ABLIM1: variants seen among roughly 807,000 people sequenced by gnomAD.
The protein encoded by ABLIM1 is actin binding LIM protein 1, also known as actin-binding LIM protein 1.
ABLIM1 carries 40 observed loss-of-function variants against 107.0 expected under a neutral mutation model. That is an observed-to-expected ratio of 0.37 (90% confidence interval 0.29 to 0.49). ABLIM1 has a LOEUF of 0.49. ABLIM1 is among the 20% of genes least tolerant of loss of function. The pLI, the probability that ABLIM1 is intolerant of heterozygous loss-of-function variation, is 0.97. For synonymous variants in ABLIM1, 357 were observed against 357.3 expected, an observed-to-expected ratio of 1.00 and a Z score of 0.01; for missense variants, 857 against 1,008.5, an observed-to-expected ratio of 0.85 and a Z score of 2.04.
chr10:114,632,912 G>A (rs2078275885), intron 1 of ABLIM1, among the ~76,000 whole-genome samples: 1 of 152,122 alleles, frequency 6.6e-6, no homozygotes, highest in Non-Finnish European at 1.5e-5. Context: ...TTTGATTTCT[G>A]ACCCACAGGG....
intron 1 of ABLIM1, among the ~76,000 whole-genome samples, chr10:114,755,938 A>C (rs1444356578): frequency 6.6e-6 from 1 of 152,098 alleles, no homozygotes; most frequent in African/African-American, 2.4e-5. Flanking sequence ...GAAGGTCGAG[A>C]CACTCTCAGT....
At chr10:114,716,163 T>C (rs1434026276) in intron 1 of ABLIM1, among the ~76,000 whole-genome samples, 1 of 152,240 alleles carries the variant, frequency 6.6e-6, no homozygotes, top group African/African-American at 2.4e-5. Flanking sequence ...TGACATTATA[T>C]GTCTCAGACA....
intron 2 of ABLIM1, among the ~76,000 whole-genome samples, chr10:114,583,464 CACACATATATAT>C (rs2073808036): frequency 3.6e-4 from 3 of 8,320 alleles, no homozygotes; most frequent in Non-Finnish European, 6.8e-4. Context: ...CACACACACA[CACACATATATAT>C]ATATATATAT....
chr10:114,457,105 G>A (rs545363998), intron 12 of ABLIM1, among the ~76,000 whole-genome samples: 77 of 152,062 alleles, frequency 5.1e-4, no homozygotes, highest in Non-Finnish European at 9.1e-4. Flanking sequence ...ACCGCTCATC[G>A]GGGAATAAGT....
At chr10:114,462,003 G>T (rs183107613) in intron 12 of ABLIM1, among the ~76,000 whole-genome samples, 105 of 152,230 alleles carry the variant, frequency 6.9e-4, no homozygotes, top group African/African-American at 2.4e-3. Context: ...CATAGAGAAT[G>T]CTGAAATTAG....
Position 114,453,114 on chromosome 10 carries a change from A to G in ABLIM1, c.1546+265T>C, listed in dbSNP as rs368078112. On this transcript the variant is annotated intron_variant, in intron 13 of 22. Coordinates refer to ENST00000533213, the MANE Select transcript of ABLIM1 (RefSeq NM_002313.7). ...AAAAAGGTACAATTAAAATTTTAGT[A>G]AAAAACAAAACAAAACAACCCAACT... is the stretch of plus-strand genomic sequence containing the variant. 2.0e-4 allele frequency among the ~76,000 whole-genome samples: 30 copies of G among 152,324 alleles called. No individual in the cohort carries two copies. The South Asian group carries it at 5.8e-3, about 30-fold the overall frequency.
intron 1 of ABLIM1, among the ~76,000 whole-genome samples, chr10:114,754,039 A>G (rs1372999893): frequency 9.2e-5 from 14 of 152,160 alleles, no homozygotes; most frequent in Non-Finnish European, 8.8e-5. Flanking sequence ...TTTTTAGTAG[A>G]GACGGCGTTT....
Position 114,575,414 on chromosome 10 carries a change from A to G in ABLIM1, c.563+2T>C. On this transcript the variant is annotated splice_donor_variant, in intron 3 of 22. Transcript: ENST00000533213. LOFTEE classifies it high-confidence loss of function. ...AGGCTTTGGAAAGATAGGCTCACTT[A>G]CTTGCAGATAGTACAAGCAAAGCAA... The G allele has an allele frequency of 6.2e-7, 1 of 1,613,370 alleles. No homozygotes were observed. The highest frequency in any genetic ancestry group is 8.5e-7 in the Non-Finnish European group (1 of 1,179,604).
intron 6 of ABLIM1, among the ~76,000 whole-genome samples, chr10:114,512,387 T>G (rs17091978): frequency 2.0e-5 from 3 of 152,170 alleles, no homozygotes; most frequent in Non-Finnish European, 4.4e-5. Context: ...TCTCGAAGTG[T>G]GCAAATAGTA....
intron 6 of ABLIM1, among the ~76,000 whole-genome samples, chr10:114,497,612 G>A (rs540486293): frequency 2.1e-3 from 306 of 148,260 alleles, no homozygotes; most frequent in Non-Finnish European, 3.1e-3. Context: ...AACCCGGGAG[G>A]CGGAGCTTGC....
chr10:114,589,072 GT>G (rs1322849904), intron 2 of ABLIM1, among the ~76,000 whole-genome samples: 11 of 151,982 alleles, frequency 7.2e-5, no homozygotes, highest in Non-Finnish European at 1.5e-4. Context: ...GTACATTTAT[GT>G]TTTAGTTTAA....
At chr10:114,555,232 C>T (rs1255715736) in intron 4 of ABLIM1, among the ~76,000 whole-genome samples, 2 of 152,062 alleles carry the variant, frequency 1.3e-5, no homozygotes, top group Non-Finnish European at 2.9e-5. Flanking sequence ...CTCAGTTTAC[C>T]TTAGGGCTCC....
chr10:114,491,012 G>GTGTGTGTGTGTGTGTGTATATA lies in ABLIM1; in HGVS notation c.982+778_982+779insTATATACACACACACACACACA. ...TGTGTGTGTGTGTGTGTGTGTGTGT[G>GTGTGTGTGTGTGTGTGTATATA]TATATATATATATGGTCTATTTTAT... On this transcript the variant is annotated intron_variant, in intron 7 of 22. Transcript: ENST00000533213. Among the ~76,000 whole-genome samples the GTGTGTGTGTGTGTGTGTATATA allele has an allele frequency of 3.0e-3, 276 of 92,348 alleles. 2 individuals carry two copies. The highest frequency in any genetic ancestry group is 6.1e-3 in the African/African-American group (133 of 21,690). The allele number at this position is 92,348 out of a possible 152,430, so 60.6% of individuals were successfully genotyped here. A position where few individuals can be genotyped will look rare whatever the true frequency, so the allele number is the denominator to read the frequency against.
At chr10:114,648,718 C>G (rs917013258) in intron 1 of ABLIM1, among the ~76,000 whole-genome samples, 1 of 152,122 alleles carries the variant, frequency 6.6e-6, no homozygotes, top group Non-Finnish European at 1.5e-5. Context: ...TATGAAGTAC[C>G]TTTACTTACC....
At chr10:114,441,173 C>A in intron 18 of ABLIM1, 96 bp from the exon 19 acceptor site, 1 of 1,289,744 alleles carries the variant, frequency 7.8e-7, no homozygotes, top group South Asian at 1.5e-5. Flanking sequence ...CCTAGGAATT[C>A]TTCCCAAGCT....
chr10:114,704,596 T>A (rs1035556059), intron 1 of ABLIM1, among the ~76,000 whole-genome samples: 1 of 141,882 alleles, frequency 7.0e-6, no homozygotes, highest in Non-Finnish European at 1.5e-5. Context: ...TTCTATAAAG[T>A]GATTCGCAGC....
At chr10:114,584,755 C>T (rs1205136185) in intron 2 of ABLIM1, among the ~76,000 whole-genome samples, 1 of 152,148 alleles carries the variant, frequency 6.6e-6, no homozygotes, top group Non-Finnish European at 1.5e-5. Context: ...CAAGCTCAAC[C>T]AGATGATAAA....
chr10:114,519,930 G>A (rs1312657525), intron 6 of ABLIM1, among the ~76,000 whole-genome samples: 1 of 152,240 alleles, frequency 6.6e-6, no homozygotes, highest in Non-Finnish European at 1.5e-5. Flanking sequence ...TATGTGCCAA[G>A]GAAAGCTTTG....
intron 1 of ABLIM1, among the ~76,000 whole-genome samples, chr10:114,711,288 T>C (rs1012310393): frequency 1.3e-5 from 2 of 152,206 alleles, no homozygotes; most frequent in African/African-American, 4.8e-5. Flanking sequence ...CCACTTCAAC[T>C]TACCAAGAGC....
Sources: allele counts gnomAD v4.1 joint callset (sites outside exome capture counted in the v4.1 genomes callset), GRCh38; gene constraint gnomAD v4.1.1; transcripts MANE v1.5; gene names NCBI Gene and HGNC (gene_info 2026-07-23, HGNC 2026-07-21).